UBASH3B: variants seen among roughly 807,000 people sequenced by gnomAD.
UBASH3B encodes the protein ubiquitin associated and SH3 domain containing B, also known as ubiquitin-associated and SH3 domain-containing protein B.
In UBASH3B, 37 loss-of-function variants were observed where a neutral mutation model predicts 83.4. The ratio of observed to expected loss-of-function variants is 0.44; its 90% CI spans 0.34 to 0.58. UBASH3B has a LOEUF of 0.58. Among genes scored for constraint, UBASH3B ranks in the 20% least tolerant of loss-of-function variants. The pLI is 0.01. For synonymous variants in UBASH3B, 304 were observed against 318.3 expected, an observed-to-expected ratio of 0.96 and a Z score of 0.48; for missense variants, 657 against 827.2, an observed-to-expected ratio of 0.79 and a Z score of 2.52.
rs1472021435 is a variant in UBASH3B at position 122,811,902 on chromosome 11, A to G, written c.*2016A>G. 2 of 152,230 alleles carry G rather than the reference A, an allele frequency of 1.3e-5. No homozygotes were observed. The highest frequency in any genetic ancestry group is 3.8e-4 in the East Asian group (2 of 5,202). 9.4% of individuals were successfully genotyped at this position (152,230 alleles called of 1,614,324 possible). Reference sequence around the variant, plus strand: ...GTGAATCCACTGTTTAATCAGATCCATAATCTTTAACAGATTCACCACAAA... The same window carrying G: ...GTGAATCCACTGTTTAATCAGATCCGTAATCTTTAACAGATTCACCACAAA... On this transcript the variant is annotated 3_prime_UTR_variant, in exon 14 of 14. Transcript: ENST00000284273.
At chr11:122,662,166 C>G (rs1591758673) in intron 1 of UBASH3B, among the ~76,000 whole-genome samples, 1 of 151,992 alleles carries the variant, frequency 6.6e-6, no homozygotes, top group African/African-American at 2.4e-5. Flanking sequence ...CTTGGCCTCC[C>G]AAAGTGCTGG....
At chr11:122,732,908 C>T (rs535044408) in intron 1 of UBASH3B, among the ~76,000 whole-genome samples, 1 of 152,284 alleles carries the variant, frequency 6.6e-6, no homozygotes, top group South Asian at 2.1e-4. Flanking sequence ...GCCTTCCTTC[C>T]CTCCAGTGGA....
Position 122,656,199 on chromosome 11 carries a change from C to A in UBASH3B, c.150C>A (p.Pro50=), listed in dbSNP as rs1863360070. ...ALDVLLSMGF[P]RARAQKALAS... ...ACGTGCTCCTCTCCATGGGGTTCCC[C>A]AGAGCCCGCGCGTAAGTGGCCGGGC... The change falls in exon 1 of 14, where the codon CCC becomes CCA. Residue 50 remains proline, a synonymous_variant. Coordinates refer to ENST00000284273, the MANE Select transcript of UBASH3B (RefSeq NM_032873.5). The A allele has an allele frequency of 2.0e-6, 3 of 1,482,872 alleles. No individual in the cohort carries two copies. In the East Asian group the frequency reaches 8.8e-5, roughly 43 times the overall value. The allele number at this position is 1,482,872 out of a possible 1,614,324, so 91.9% of individuals were successfully genotyped here.
At chr11:122,786,660 C>CA (rs1004798335) in intron 5 of UBASH3B, among the ~76,000 whole-genome samples, 4 of 151,172 alleles carry the variant, frequency 2.6e-5, no homozygotes, top group East Asian at 2.0e-4. Context: ...CCGTCTCACA[C>CA]AAAAAAAAGA....
At chr11:122,795,817 C>G (rs559262715) in intron 7 of UBASH3B, among the ~76,000 whole-genome samples, 2 of 152,306 alleles carry the variant, frequency 1.3e-5, no homozygotes, top group South Asian at 4.1e-4. Context: ...CTAGATGGCT[C>G]TCTCTACATG....
At chr11:122,790,142 G>A (rs547766454) in intron 6 of UBASH3B, among the ~76,000 whole-genome samples, 1 of 152,330 alleles carries the variant, frequency 6.6e-6, no homozygotes, top group South Asian at 2.1e-4. Flanking sequence ...CAGAAGCCCT[G>A]AGCGCCAGCT....
At chr11:122,798,749 G>A (rs894962099) in intron 9 of UBASH3B, among the ~76,000 whole-genome samples, 193 bp from the exon 10 acceptor site, 2 of 151,016 alleles carry the variant, frequency 1.3e-5, no homozygotes, top group African/African-American at 2.4e-5. Flanking sequence ...GGGCTCTGTC[G>A]CTTGCTCTCA....
At position 122,664,578 on chromosome 11, in the gene UBASH3B, G is replaced by C. The variant is rs146523621; in HGVS notation, c.161+8368G>C. On this transcript the variant is annotated intron_variant, in intron 1 of 13. Coordinates refer to ENST00000284273, the MANE Select transcript of UBASH3B (RefSeq NM_032873.5). ...AGGATGGGTGGGTAGATGTGGCAGT[G>C]ATCGCAGTCCTCTGGACCCTCTGCC... Among the ~76,000 whole-genome samples the C allele has an allele frequency of 2.4e-3, 372 of 152,226 alleles. 8 individuals carry two copies. Among genetic ancestry groups the C allele is most frequent in the Admixed American group, 0.016 (246 of 15,298 alleles).
At chr11:122,681,331 A>G (rs923756904) in intron 1 of UBASH3B, among the ~76,000 whole-genome samples, 3 of 152,150 alleles carry the variant, frequency 2.0e-5, no homozygotes, top group African/African-American at 7.2e-5. Context: ...CTCTGGCCCT[A>G]TTTCTTCTTG....
At chr11:122,682,391 C>T (rs183795836) in intron 1 of UBASH3B, among the ~76,000 whole-genome samples, 37 of 152,228 alleles carry the variant, frequency 2.4e-4, no homozygotes, top group Admixed American at 3.9e-4. Context: ...TAGATGGGGA[C>T]GCTGAGGCGT....
At chr11:122,699,574 T>TTTCTTTCTTTCTTTCTTTCTTTC in intron 1 of UBASH3B, among the ~76,000 whole-genome samples, 1 of 108,818 alleles carries the variant, frequency 9.2e-6, no homozygotes, top group African/African-American at 4.7e-5. Flanking sequence ...TCTTTCTTTC[T>TTTCTTTCTTTCTTTCTTTCTTTC]TTTCTTTCTT....
At chr11:122,656,864 G>A (rs1863371753) in intron 1 of UBASH3B, among the ~76,000 whole-genome samples, 1 of 152,258 alleles carries the variant, frequency 6.6e-6, no homozygotes, top group African/African-American at 2.4e-5. Flanking sequence ...TCAGAAATCT[G>A]TGGGTGCCTG....
At chr11:122,764,928 C>G (rs1860506355) in intron 1 of UBASH3B, among the ~76,000 whole-genome samples, 1 of 151,824 alleles carries the variant, frequency 6.6e-6, no homozygotes, top group African/African-American at 2.4e-5. Flanking sequence ...TGGGGTGGAA[C>G]TGAACCTTTG....
chr11:122,689,840 T>A (rs1197630692), intron 1 of UBASH3B, among the ~76,000 whole-genome samples: 1 of 152,152 alleles, frequency 6.6e-6, no homozygotes, highest in Non-Finnish European at 1.5e-5. Context: ...TTATGTTTAC[T>A]GATTTACTAT....
rs1475147740 is a variant in UBASH3B at position 122,809,795 on chromosome 11, G to A, written c.1859G>A (p.Gly620Glu). The A allele has an allele frequency of 6.2e-7, 1 of 1,614,128 alleles. No homozygotes were observed. Among genetic ancestry groups the A allele is most frequent in the East Asian group, 2.2e-5 (1 of 44,882 alleles). Residue 620 changes from glycine (G) to glutamate (E), a missense_variant, in exon 14 of 14, where the codon GGA becomes GAA. By Grantham distance (98) the Gly-to-Glu change is moderately conservative. Around this residue, in one of 3 missense-constraint regions of UBASH3B, gnomAD observed 573 missense variants for 739.0 expected, o/e 0.78. Coordinates refer to ENST00000284273, the MANE Select transcript of UBASH3B (RefSeq NM_032873.5). The stretch of plus-strand genomic sequence containing the variant: ...TCCTGTGAAGAATTAGGAGAAACTG[G>A]AATATGGCAGCTGACAGATCCACCA... Reference protein sequence around the residue: ...FCSCEELGETGIWQLTDPPIL... With the variant: ...FCSCEELGETEIWQLTDPPIL...
intron 1 of UBASH3B, among the ~76,000 whole-genome samples, chr11:122,676,554 T>C (rs1294623443): frequency 6.6e-6 from 1 of 151,356 alleles, no homozygotes; most frequent in African/African-American, 2.4e-5. Flanking sequence ...AAAAATAATA[T>C]ATACAAAAAC....
chr11:122,668,629 A>C (rs1863552192), intron 1 of UBASH3B, among the ~76,000 whole-genome samples: 1 of 152,262 alleles, frequency 6.6e-6, no homozygotes, highest in African/African-American at 2.4e-5. Context: ...CTTTAGAGAC[A>C]AAAGACTTGG....
At chr11:122,667,994 C>CT (rs963003154) in intron 1 of UBASH3B, among the ~76,000 whole-genome samples, 2 of 152,098 alleles carry the variant, frequency 1.3e-5, no homozygotes, top group African/African-American at 4.8e-5. Flanking sequence ...TTCTTTTGTT[C>CT]TTTCTTTTTG....
Position 122,656,027 on chromosome 11 carries a change from T to C in UBASH3B, c.-23T>C, listed in dbSNP as rs778658634. ...AACCATCCGGCTCGGGCTCCTTCCC[T>C]GGCGATGGCTGGCCGCTGAGCCATG... On this transcript the variant is annotated 5_prime_UTR_variant, in exon 1 of 14. Transcript: ENST00000284273. 1 of 1,507,022 alleles carries C rather than the reference T, an allele frequency of 6.6e-7. No individual in the cohort carries two copies. Among genetic ancestry groups the C allele is most frequent in the South Asian group, 1.2e-5 (1 of 83,956 alleles). 93.4% of individuals were successfully genotyped at this position (1,507,022 alleles called of 1,614,324 possible).
Sources: allele counts gnomAD v4.1 joint callset (sites outside exome capture counted in the v4.1 genomes callset), GRCh38; gene constraint gnomAD v4.1.1; regional missense constraint gnomAD v4.1.1; transcripts MANE v1.5; gene names NCBI Gene and HGNC (gene_info 2026-07-23, HGNC 2026-07-21).